The following DNM3 variants were observed in gnomAD, a reference collection of about 807,000 sequenced individuals.
The protein encoded by DNM3 is dynamin-3.
In DNM3, 47 loss-of-function variants were observed where a neutral mutation model predicts 101.6. The observed-to-expected ratio is 0.46, with a 90% CI of 0.37 to 0.59. The LOEUF is 0.59. Among genes scored for constraint, DNM3 ranks in the 20% least tolerant of loss-of-function variants. The probability of loss-of-function intolerance (pLI) is 0.00; values close to 1 mark genes in which losing one functional copy is unlikely to be tolerated. For synonymous variants in DNM3, 385 were observed against 387.9 expected (o/e 0.99, Z 0.09); for missense variants, 849 against 1,085.7 (o/e 0.78, Z 3.06).
chr1:172,292,717 A>G (rs2063981022), intron 15 of DNM3, among the ~76,000 whole-genome samples: 1 of 152,174 alleles, frequency 6.6e-6, no homozygotes, highest in Non-Finnish European at 1.5e-5. Flanking sequence ...CATTAACCTA[A>G]TATGTGGTTT....
intron 15 of DNM3, among the ~76,000 whole-genome samples, chr1:172,280,559 C>T (rs771098120): frequency 3.3e-5 from 5 of 151,994 alleles, no homozygotes; most frequent in Admixed American, 2.0e-4. Context: ...AAGCTTCAAC[C>T]GATTTATTTA....
At chr1:172,102,908 C>A (rs1343340236) in intron 13 of DNM3, among the ~76,000 whole-genome samples, 1 of 152,104 alleles carries the variant, frequency 6.6e-6, no homozygotes, top group East Asian at 1.9e-4. Flanking sequence ...GTTAATGTTT[C>A]TCACCAAAGA....
At chr1:172,366,236 A>G (rs1573619492) in intron 17 of DNM3, among the ~76,000 whole-genome samples, 1 of 152,024 alleles carries the variant, frequency 6.6e-6, no homozygotes, top group Non-Finnish European at 1.5e-5. Context: ...TAAAAAAAGT[A>G]AAAAATGAAT....
intron 14 of DNM3, among the ~76,000 whole-genome samples, chr1:172,195,000 C>A (rs1054839214): frequency 6.6e-6 from 1 of 151,940 alleles, no homozygotes; most frequent in Non-Finnish European, 1.5e-5. Flanking sequence ...TGGCTGGTAC[C>A]AGTTGTTCCT....
intron 14 of DNM3, among the ~76,000 whole-genome samples, chr1:172,145,320 G>GTCTCTC (rs1289156505): frequency 1.5e-3 from 231 of 149,042 alleles, no homozygotes; most frequent in Middle Eastern, 7.0e-3. Flanking sequence ...CTGTCTGTCT[G>GTCTCTC]TCTGTCTCTC....
At chr1:172,092,451 A>T (rs1162368277) in intron 12 of DNM3, among the ~76,000 whole-genome samples, 3 of 152,240 alleles carry the variant, frequency 2.0e-5, no homozygotes, top group Non-Finnish European at 4.4e-5. Flanking sequence ...GAGAATAAAA[A>T]TGATTAATAT....
chr1:172,023,473 C>T (rs924436472), intron 4 of DNM3, among the ~76,000 whole-genome samples: 2 of 152,062 alleles, frequency 1.3e-5, no homozygotes, highest in South Asian at 4.1e-4. Context: ...ATTTCAAAAA[C>T]ATTGCTCTAT....
intron 15 of DNM3, among the ~76,000 whole-genome samples, chr1:172,263,799 A>T (rs1267287952): frequency 2.6e-5 from 4 of 152,208 alleles, no homozygotes; most frequent in Admixed American, 2.6e-4. Flanking sequence ...CAGCCAAACC[A>T]TATCATACTC....
At chr1:172,254,612 T>G (rs2062325877) in intron 15 of DNM3, among the ~76,000 whole-genome samples, 1 of 152,092 alleles carries the variant, frequency 6.6e-6, no homozygotes, top group East Asian at 1.9e-4. Context: ...GAACTTGTAT[T>G]AGGACTTCCT....
intron 1 of DNM3, among the ~76,000 whole-genome samples, chr1:171,859,112 G>C (rs1343600260): frequency 2.0e-5 from 3 of 152,160 alleles, no homozygotes; most frequent in Non-Finnish European, 1.5e-5. Flanking sequence ...ACAAGGCCCT[G>C]TGTAGCCCAG....
chr1:172,317,930 A>G (rs1436531800), intron 16 of DNM3, among the ~76,000 whole-genome samples: 2 of 152,186 alleles, frequency 1.3e-5, no homozygotes, highest in African/African-American at 4.8e-5. Context: ...CAGAGACACA[A>G]CCAAAAAAGA....
At chr1:172,175,415 T>C (rs892631581) in intron 14 of DNM3, among the ~76,000 whole-genome samples, 7 of 151,786 alleles carry the variant, frequency 4.6e-5, no homozygotes, top group African/African-American at 1.4e-4. Flanking sequence ...TAGTTATCAT[T>C]GAATACTTAC....
chr1:172,366,192 C>T (rs2068008400), intron 17 of DNM3, among the ~76,000 whole-genome samples: 1 of 151,850 alleles, frequency 6.6e-6, no homozygotes, highest in Admixed American at 6.6e-5. Context: ...CACTACATGA[C>T]TGCAGCCTGG....
chr1:172,031,319 A>G (rs2048589271), intron 4 of DNM3, among the ~76,000 whole-genome samples: 2 of 152,158 alleles, frequency 1.3e-5, no homozygotes, highest in African/African-American at 2.4e-5. Flanking sequence ...CAAACACCAC[A>G]TGTTCTCACT....
chr1:172,280,686 T>C lies in DNM3; in HGVS notation c.1769+27004T>C, dbSNP rs144622954. On this transcript the variant is annotated intron_variant, in intron 15 of 20. Coordinates refer to ENST00000627582, the MANE Select transcript of DNM3 (RefSeq NM_015569.5). ...TTTATTGTGTTAAATGTTTAAGAAA[T>C]CATCCAAAGAAATTCCAGGCTAGTA... is the stretch of plus-strand genomic sequence containing the variant. 7.6e-3 allele frequency among the ~76,000 whole-genome samples: 1,160 copies of C among 152,302 alleles called. 14 individuals are homozygous for C. Among genetic ancestry groups the C allele is most frequent in the African/African-American group, 0.026 (1,076 of 41,572 alleles).
intron 14 of DNM3, among the ~76,000 whole-genome samples, chr1:172,190,474 C>T (rs375525058): frequency 3.6e-4 from 55 of 152,188 alleles, no homozygotes; most frequent in African/African-American, 1.2e-3. Context: ...AATAAACATA[C>T]GTCTGCATGT....
At chr1:172,043,734 G>A (rs1396973339) in intron 8 of DNM3, among the ~76,000 whole-genome samples, 2 of 152,092 alleles carry the variant, frequency 1.3e-5, no homozygotes, top group African/African-American at 4.8e-5. Flanking sequence ...GGGAGGAAAT[G>A]GACAGACAAT....
chr1:172,146,583 A>G (rs1248662245), intron 14 of DNM3, among the ~76,000 whole-genome samples: 1 of 151,996 alleles, frequency 6.6e-6, no homozygotes, highest in East Asian at 1.9e-4. Context: ...CTTGCATATT[A>G]CTGGAAATGA....
At chr1:172,149,225 T>C (rs1013118391) in intron 14 of DNM3, among the ~76,000 whole-genome samples, 2 of 152,126 alleles carry the variant, frequency 1.3e-5, no homozygotes, top group African/African-American at 4.8e-5. Context: ...CCAAAAGCAG[T>C]ATATATTTTA....
Sources: allele counts gnomAD v4.1 joint callset (sites outside exome capture counted in the v4.1 genomes callset), GRCh38; gene constraint gnomAD v4.1.1; transcripts MANE v1.5; gene names NCBI Gene and HGNC (gene_info 2026-07-23, HGNC 2026-07-21).